The following GNL3L variants were observed in gnomAD, a reference collection of about 807,000 sequenced individuals.
GNL3L encodes guanine nucleotide-binding protein-like 3-like protein.
A neutral mutation model predicts 42.9 loss-of-function variants in GNL3L; 4 were observed. That is an observed-to-expected ratio of 0.09 (90% CI 0.05 to 0.21). GNL3L has a LOEUF of 0.21. GNL3L is among the 10% of genes least tolerant of loss of function. The pLI, the probability that GNL3L is intolerant of heterozygous loss-of-function variation, is 1.00. For missense variants in GNL3L, 412 were observed against 481.7 expected, an observed-to-expected ratio of 0.86 and a Z score of 1.36; for synonymous variants, 159 against 176.3, an observed-to-expected ratio of 0.90 and a Z score of 0.78.
intron 16 of GNL3L, among the ~76,000 whole-genome samples, chrX:54,572,460 C>T (rs1191053470): frequency 8.9e-6 from 1 of 112,040 alleles, no homozygotes; most frequent in African/African-American, 3.2e-5. Flanking sequence ...CCACCTTTCC[C>T]CCCTTTCTAT....
At chrX:54,623,584 G>A (rs1926317341), downstream of GNL3L, among the ~76,000 whole-genome samples, 1 of 111,600 alleles carries the variant, frequency 9.0e-6, no homozygotes, top group South Asian at 3.7e-4. Context: ...TTTTGATAGG[G>A]ATTGTTTTAT....
In GNL3L at chrX:54,592,394, C is replaced by T. The variant is rs747400358; in HGVS notation, c.*46-28451C>T. 8.0e-5 allele frequency among the ~76,000 whole-genome samples: 9 copies of T among 112,024 alleles called. No homozygotes were observed. The South Asian group carries it at 1.8e-3, about 23-fold the overall frequency. ...GGTATGCTTGCTGTGTTCCAGATCT[C>T]GCAGGAAAGGCTTTCAGTTTTTCCC... On this transcript the variant is annotated intron_variant, in intron 16 of 16. Transcript: ENST00000674498.
downstream of GNL3L, among the ~76,000 whole-genome samples, chrX:54,626,481 A>T (rs1486595915): frequency 8.9e-6 from 1 of 111,943 alleles, no homozygotes; most frequent in Non-Finnish European, 1.9e-5. Flanking sequence ...TAGTGCTGCA[A>T]TAAACATAGG....
chrX:54,556,902 C>T (rs775529110), intron 14 of GNL3L, among the ~76,000 whole-genome samples: 97 of 110,663 alleles, frequency 8.8e-4, no homozygotes, highest in Middle Eastern at 4.6e-3. Flanking sequence ...GAACCGAGGC[C>T]GGGCGCGGTG....
At chrX:54,605,074 G>A (rs977345603) in intron 16 of GNL3L, among the ~76,000 whole-genome samples, 1 of 111,122 alleles carries the variant, frequency 9.0e-6, no homozygotes, top group African/African-American at 3.3e-5. Flanking sequence ...GAAATGTGAC[G>A]TTGCACAGTA....
chrX:54,571,119 G>A (rs1259311245), downstream of GNL3L, among the ~76,000 whole-genome samples: 3 of 110,251 alleles, frequency 2.7e-5, no homozygotes, highest in African/African-American at 9.9e-5. Flanking sequence ...TAAGTTGATA[G>A]GTTTTGTCTT....
the GNL3L span, among the ~76,000 whole-genome samples, chrX:54,636,574 G>A: frequency 9.2e-6 from 1 of 108,298 alleles, no homozygotes; most frequent in Non-Finnish European, 1.9e-5. Flanking sequence ...CCATTTTTAT[G>A]TCCATGTGTA....
intron 15 of GNL3L, among the ~76,000 whole-genome samples, chrX:54,560,317 C>CG (rs926860647): frequency 1.8e-5 from 2 of 111,795 alleles, no homozygotes; most frequent in Non-Finnish European, 3.8e-5. Context: ...TTGGGATGAT[C>CG]ATTTCACAGA....
intron 16 of GNL3L, among the ~76,000 whole-genome samples, chrX:54,585,110 G>A (rs762025591): frequency 4.5e-5 from 5 of 111,843 alleles, no homozygotes; most frequent in Non-Finnish European, 9.4e-5. Flanking sequence ...ATGCACAAGG[G>A]TTCTTTTTTC....
chrX:54,638,639 A>G, the GNL3L span, among the ~76,000 whole-genome samples: 1 of 111,175 alleles, frequency 9.0e-6, no homozygotes, highest in Non-Finnish European at 1.9e-5. Flanking sequence ...TTGTATTTTT[A>G]GTAGAGACGG....
At chrX:54,574,506 A>G (rs1185094622) in intron 16 of GNL3L, among the ~76,000 whole-genome samples, 1 of 112,216 alleles carries the variant, frequency 8.9e-6, no homozygotes, top group Non-Finnish European at 1.9e-5. Context: ...AGTGTATAAT[A>G]CGTTTCATAT....
rs148182925 is a variant in GNL3L at position 54,616,539 on chromosome X, A to G, written c.*46-4306A>G. Among the ~76,000 whole-genome samples the G allele has an allele frequency of 4.9e-3, 554 of 112,077 alleles. 6 individuals carry two copies. Among genetic ancestry groups the G allele is most frequent in the African/African-American group, 0.017 (527 of 30,864 alleles). ...TATATTTGAAAAGTCTTTTGGCAAA[A>G]TTATTTCTACTTTTAAGTAGTTTTT... On this transcript the variant is annotated intron_variant, in intron 16 of 16. Transcript: ENST00000674498.
chrX:54,595,978 G>A (rs1030043443), intron 16 of GNL3L, among the ~76,000 whole-genome samples: 4 of 111,915 alleles, frequency 3.6e-5, no homozygotes, highest in Non-Finnish European at 7.5e-5. Context: ...CAGCTGTTTT[G>A]GATTCTCTGT....
At chrX:54,601,983 C>T (rs1478793448) in intron 16 of GNL3L, among the ~76,000 whole-genome samples, 2 of 111,662 alleles carry the variant, frequency 1.8e-5, no homozygotes, top group South Asian at 7.5e-4. Flanking sequence ...TCTATACATT[C>T]GGTCATTAAA....
chrX:54,570,173 G>T (rs1437609669), downstream of GNL3L, among the ~76,000 whole-genome samples: 2 of 111,836 alleles, frequency 1.8e-5, no homozygotes, highest in African/African-American at 6.5e-5. Flanking sequence ...AATGATAATT[G>T]TGGATTTGTC....
intron 16 of GNL3L, among the ~76,000 whole-genome samples, chrX:54,599,281 G>A (rs1925974079): frequency 1.8e-5 from 2 of 111,769 alleles, no homozygotes; most frequent in Admixed American, 1.9e-4. Flanking sequence ...CCAAAGTGAA[G>A]AAGATATAGT....
rs1237050763 is a variant in GNL3L at position 54,564,678 on chromosome X, T to A, written c.*4076T>A. Among the ~76,000 whole-genome samples the A allele has an allele frequency of 9.3e-6, 1 of 107,239 alleles. No homozygotes were observed. The highest frequency in any genetic ancestry group is 2.9e-4 in the East Asian group (1 of 3,462). 93.1% of individuals were successfully genotyped at this position (107,239 alleles called of 115,157 possible). A position where few individuals can be genotyped will look rare whatever the true frequency, so the allele number is the denominator to read the frequency against. On this transcript the variant is annotated 3_prime_UTR_variant, in exon 16 of 16. Coordinates refer to ENST00000360845, the MANE Select transcript of GNL3L (RefSeq NM_001184819.2). ...GCCTCAGCCTCCCAAAGTGCTGGGA[T>A]TACAAGAGTGAGCCACTGCGCCTGG...
the GNL3L span, among the ~76,000 whole-genome samples, chrX:54,630,896 TC>T: frequency 9.4e-6 from 1 of 106,209 alleles, no homozygotes; most frequent in Non-Finnish European, 1.9e-5. Context: ...AACCTCTGCC[TC>T]CTGGGTTCAA....
downstream of GNL3L, among the ~76,000 whole-genome samples, chrX:54,568,871 C>A (rs1925504890): frequency 9.0e-6 from 1 of 111,428 alleles, no homozygotes. Context: ...AGTATTTTTT[C>A]TCTTTTCTGA....
Sources: gnomAD v4.1 joint callset for allele counts (sites outside exome capture counted in the v4.1 genomes callset) on GRCh38, gnomAD v4.1.1 for gene constraint, MANE v1.5 for transcripts, NCBI Gene and HGNC (gene_info 2026-07-23, HGNC 2026-07-21) for gene names.